The following GINS3 variants were observed in gnomAD, a reference collection of about 807,000 sequenced individuals.
The protein encoded by GINS3 is GINS complex subunit 3, also known as DNA replication complex GINS protein PSF3.
A neutral mutation model predicts 20.0 loss-of-function variants in GINS3; 18 were observed. The observed-to-expected ratio is 0.90, with a 90% CI of 0.62 to 1.33. The LOEUF is 1.33. GINS3 is among the 40% of genes most tolerant of loss of function. The pLI is 0.00. For synonymous variants in GINS3, 109 were observed against 107.0 expected, an observed-to-expected ratio of 1.02 and a Z score of -0.12; for missense variants, 254 against 273.6, an observed-to-expected ratio of 0.93 and a Z score of 0.51.
chr16:58,403,097 G>C lies in GINS3; in HGVS notation c.187-1G>C. 6.2e-7 allele frequency: 1 copy of C among 1,613,036 alleles called. No homozygotes were observed. Among genetic ancestry groups the C allele is most frequent in the Non-Finnish European group, 8.5e-7 (1 of 1,178,998 alleles). On this transcript the variant is annotated splice_acceptor_variant, in intron 1 of 2. Coordinates refer to ENST00000318129, the MANE Select transcript of GINS3 (RefSeq NM_022770.4). LOFTEE classifies it high-confidence loss of function. Reference sequence around the variant, plus strand: ...AAAATCTACATTCATGCATGCTGCAGGGTTCCAAGCTTGAACTACCCTTGT... The same window carrying C: ...AAAATCTACATTCATGCATGCTGCACGGTTCCAAGCTTGAACTACCCTTGT...
chr16:58,392,808 T>A (rs1278649794), intron 1 of GINS3, 21 bp downstream of exon 1: 1 of 1,569,794 alleles, frequency 6.4e-7, no homozygotes, highest in South Asian at 1.1e-5. Context: ...GGGTGCGGGG[T>A]CCTGCCCGGA....
At chr16:58,398,985 C>G (rs1262613166) in intron 1 of GINS3, among the ~76,000 whole-genome samples, 2 of 151,962 alleles carry the variant, frequency 1.3e-5, no homozygotes, top group Non-Finnish European at 2.9e-5. Flanking sequence ...ATTCTCTATC[C>G]TTGCAATTTT....
At chr16:58,404,250 A>C in intron 2 of GINS3, 1 of 506,278 alleles carries the variant, frequency 2.0e-6, no homozygotes, top group South Asian at 2.3e-5. Context: ...TGCTAGGTGC[A>C]TTACATGTAT....
intron 1 of GINS3, among the ~76,000 whole-genome samples, chr16:58,396,784 C>T (rs1338669860): frequency 3.9e-5 from 5 of 128,706 alleles, no homozygotes; most frequent in East Asian, 2.5e-4. Flanking sequence ...ACCTCCTTCC[C>T]GGACAGGGCG....
Position 58,405,859 on chromosome 16 carries a change from T to A in GINS3, c.*1130T>A, listed in dbSNP as rs995034092. ...GACACCTCACAACTAGCAAAAATTG[T>A]CTTTGTCTTTGGAAATTATAGAGGG... is the stretch of plus-strand genomic sequence containing the variant. On this transcript the variant is annotated 3_prime_UTR_variant, in exon 3 of 3. Coordinates refer to ENST00000318129, the MANE Select transcript of GINS3 (RefSeq NM_022770.4). The A allele has an allele frequency of 2.0e-5, 3 of 152,166 alleles. No individual in the cohort carries two copies. Among genetic ancestry groups the A allele is most frequent in the Non-Finnish European group, 4.4e-5 (3 of 68,038 alleles). The allele number at this position is 152,166 out of a possible 1,614,324, so 9.4% of individuals were successfully genotyped here.
At chr16:58,397,011 G>T (rs1305928723) in intron 1 of GINS3, among the ~76,000 whole-genome samples, 2 of 145,654 alleles carry the variant, frequency 1.4e-5, no homozygotes, top group African/African-American at 5.3e-5. Flanking sequence ...CTGGCTGGGC[G>T]GGGGGCTGAC....
Position 58,406,007 on chromosome 16 carries a change from G to C in GINS3, c.*1278G>C, listed in dbSNP as rs564306497. On this transcript the variant is annotated 3_prime_UTR_variant, in exon 3 of 3. Coordinates refer to ENST00000318129, the MANE Select transcript of GINS3 (RefSeq NM_022770.4). ...TTGTTGTTTTTATAATTTGATTTTAGTGCTAAATAAATGATTGGCTTTGTA... is the reference window on the plus strand; with the variant it reads ...TTGTTGTTTTTATAATTTGATTTTACTGCTAAATAAATGATTGGCTTTGTA... The C allele has an allele frequency of 6.6e-6, 1 of 152,316 alleles. No individual in the cohort carries two copies. The highest frequency in any genetic ancestry group is 1.9e-4 in the East Asian group (1 of 5,186). 9.4% of individuals were successfully genotyped at this position (152,316 alleles called of 1,614,324 possible).
intron 1 of GINS3, among the ~76,000 whole-genome samples, chr16:58,395,913 C>A (rs1001168229): frequency 6.6e-6 from 1 of 151,532 alleles, no homozygotes; most frequent in South Asian, 2.1e-4. Context: ...GGCGGCCGGG[C>A]AGAGGTGCCC....
intron 1 of GINS3, chr16:58,395,119 C>T (rs1965832389): frequency 3.6e-6 from 2 of 548,912 alleles, no homozygotes; most frequent in Non-Finnish European, 3.1e-6. Flanking sequence ...CTCTGTTGCC[C>T]AGGCTGGAGT....
chr16:58,396,197 A>C (rs1377293744), intron 1 of GINS3, among the ~76,000 whole-genome samples: 553 of 59,606 alleles, frequency 9.3e-3, no homozygotes, highest in East Asian at 0.019. Flanking sequence ...CTCCTCACTT[A>C]CCAGTAGGGG....
At chr16:58,392,842 C>T (rs1965802559) in intron 1 of GINS3, 55 bp downstream of exon 1, 1 of 1,505,996 alleles carries the variant, frequency 6.6e-7, no homozygotes, top group Non-Finnish European at 8.9e-7. Flanking sequence ...CCGGCGGGCC[C>T]CTCGGCCCTG....
In GINS3 at chr16:58,396,685, C is replaced by A. The variant is rs565134451; in HGVS notation, c.186+3898C>A. 2.7e-4 allele frequency among the ~76,000 whole-genome samples: 34 copies of A among 124,040 alleles called. 1 individual carries two copies. The East Asian group carries it at 8.7e-3, about 32-fold the overall frequency. 81.4% of individuals were successfully genotyped at this position (124,040 alleles called of 152,430 possible). A position where few individuals can be genotyped will look rare whatever the true frequency, so the allele number is the denominator to read the frequency against. On this transcript the variant is annotated intron_variant, in intron 1 of 2. Coordinates refer to ENST00000318129, the MANE Select transcript of GINS3 (RefSeq NM_022770.4). ...GTGGGCTGACCCCCCGACCTCCCTC[C>A]CGGACGGGGCGGCTGGCCGGGCGGG...
intron 2 of GINS3, chr16:58,404,249 C>T: frequency 2.0e-6 from 1 of 503,108 alleles, no homozygotes; most frequent in Non-Finnish European, 3.6e-6. Context: ...TTGCTAGGTG[C>T]ATTACATGTA....
chr16:58,393,571 G>C (rs1228331822), intron 1 of GINS3: 3 of 152,150 alleles, frequency 2.0e-5, no homozygotes, highest in Non-Finnish European at 4.4e-5. Context: ...GGCCGGATGC[G>C]GTGGCTCACG....
chr16:58,397,316 C>G (rs565430140), intron 1 of GINS3, among the ~76,000 whole-genome samples: 1 of 150,340 alleles, frequency 6.7e-6, no homozygotes, highest in African/African-American at 2.5e-5. Context: ...CTCCTCACTT[C>G]CTAGATGGGA....
At chr16:58,402,068 G>A (rs1411496234) in intron 1 of GINS3, among the ~76,000 whole-genome samples, 1 of 151,692 alleles carries the variant, frequency 6.6e-6, no homozygotes, top group African/African-American at 2.4e-5. Context: ...CATCTCTTAG[G>A]CTCTTCTCTG....
Position 58,403,083 on chromosome 16 carries a change from T to G in GINS3, c.187-15T>G. ...ACTTGTCTGTTTTTAAAATCTACAT[T>G]CATGCATGCTGCAGGGTTCCAAGCT... On this transcript the variant is annotated splice_polypyrimidine_tract_variant and intron_variant, in intron 1 of 2. Coordinates refer to ENST00000318129, the MANE Select transcript of GINS3 (RefSeq NM_022770.4). 1 of 1,604,400 alleles carries G rather than the reference T, an allele frequency of 6.2e-7. No individual in the cohort carries two copies. Among genetic ancestry groups the G allele is most frequent in the Non-Finnish European group, 8.5e-7 (1 of 1,171,372 alleles).
chr16:58,392,491 T>G lies in GINS3; in HGVS notation c.-111T>G. ...GCGGGAAACGAGTTTCAATCCACTT[T>G]CCTGACCCCAACCATCCTGCCCAGT... On this transcript the variant is annotated 5_prime_UTR_variant, in exon 1 of 3. Coordinates refer to ENST00000318129, the MANE Select transcript of GINS3 (RefSeq NM_022770.4). The G allele has an allele frequency of 8.0e-7, 1 of 1,256,116 alleles. No homozygotes were observed. The highest frequency in any genetic ancestry group is 1.1e-6 in the Non-Finnish European group (1 of 894,904). 77.8% of individuals were successfully genotyped at this position (1,256,116 alleles called of 1,614,324 possible). A position where few individuals can be genotyped will look rare whatever the true frequency, so the allele number is the denominator to read the frequency against.
intron 1 of GINS3, among the ~76,000 whole-genome samples, chr16:58,401,817 T>G (rs1965958921): frequency 6.6e-6 from 1 of 152,250 alleles, no homozygotes. Context: ...TTTTAGGATT[T>G]TCTCTGTCTT....
Sources: gnomAD v4.1 joint callset for allele counts (sites outside exome capture counted in the v4.1 genomes callset) on GRCh38, gnomAD v4.1.1 for gene constraint, MANE v1.5 for transcripts, NCBI Gene and HGNC (gene_info 2026-07-23, HGNC 2026-07-21) for gene names.